The following RANBP2 variants were observed in gnomAD, a reference collection of about 807,000 sequenced individuals.
The protein encoded by RANBP2 is E3 SUMO-protein ligase RanBP2.
Under a neutral mutation model 303.6 loss-of-function variants are expected in RANBP2, and 57 were observed. The observed-to-expected ratio is 0.19, with a 90% confidence interval of 0.15 to 0.23. The LOEUF (loss-of-function observed/expected upper bound fraction) is 0.23, where lower values mean the gene tolerates loss of function less well. Among genes scored for constraint, RANBP2 ranks in the 10% least tolerant of loss-of-function variants. The pLI is 1.00. For missense variants in RANBP2, 3,138 were observed against 3,780.8 expected (o/e 0.83, Z 4.46); for synonymous variants, 1,167 against 1,301.5 (o/e 0.90, Z 2.23).
chr2:108,793,614 T>G, the RANBP2 span, among the ~76,000 whole-genome samples: 1 of 151,884 alleles, frequency 6.6e-6, no homozygotes, highest in East Asian at 2.0e-4. Context: ...GTTTTTTTTT[T>G]GAGATGGAGT....
the RANBP2 span, among the ~76,000 whole-genome samples, chr2:109,003,329 G>T: frequency 6.6e-6 from 1 of 151,884 alleles, no homozygotes; most frequent in African/African-American, 2.4e-5. Flanking sequence ...ACAGCACTTG[G>T]CACATAGTAG....
At chr2:109,699,475 A>C in the RANBP2 span, among the ~76,000 whole-genome samples, 1 of 152,232 alleles carries the variant, frequency 6.6e-6, no homozygotes, top group African/African-American at 2.4e-5. Context: ...CAGTCAGTTA[A>C]TGCATATTTG....
chr2:109,546,340 T>A, the RANBP2 span: 1 of 604,414 alleles, frequency 1.7e-6, no homozygotes, highest in Non-Finnish European at 2.7e-6. Context: ...CAACACAGAA[T>A]AACCTACACA....
chr2:109,081,559 T>A, the RANBP2 span, among the ~76,000 whole-genome samples: 1 of 152,096 alleles, frequency 6.6e-6, no homozygotes. Context: ...ATGAGACAGA[T>A]CACAAGGGCC....
the RANBP2 span, among the ~76,000 whole-genome samples, chr2:109,562,995 C>G: frequency 1.3e-5 from 2 of 152,030 alleles, no homozygotes; most frequent in Admixed American, 6.6e-5. Context: ...ACTGTAAACT[C>G]TGCCTCCCAG....
At chr2:109,124,644 T>G in the RANBP2 span, 1 of 152,196 alleles carries the variant, frequency 6.6e-6, no homozygotes, top group Non-Finnish European at 1.5e-5. Context: ...AGAAAATACA[T>G]AACATAAAAG....
chr2:109,631,261 A>G, the RANBP2 span, among the ~76,000 whole-genome samples: 1 of 152,092 alleles, frequency 6.6e-6, no homozygotes, highest in Non-Finnish European at 1.5e-5. Flanking sequence ...CAGAGCCAGG[A>G]CTTGGACCTA....
chr2:109,683,997 A>G, the RANBP2 span, among the ~76,000 whole-genome samples: 43 of 152,066 alleles, frequency 2.8e-4, no homozygotes, highest in Admixed American at 2.4e-3. Context: ...GCTGGAGTGC[A>G]CTGGCACGAT....
the RANBP2 span, among the ~76,000 whole-genome samples, chr2:109,657,162 A>T: frequency 4.6e-5 from 7 of 152,046 alleles, no homozygotes; most frequent in African/African-American, 1.7e-4. Flanking sequence ...TCTGTGGGGG[A>T]CAGGCCAACA....
At chr2:109,315,532 G>T in the RANBP2 span, among the ~76,000 whole-genome samples, 2 of 152,232 alleles carry the variant, frequency 1.3e-5, no homozygotes, top group African/African-American at 4.8e-5. Context: ...ACGACCATCC[G>T]TTTTTGGTGT....
intron 24 of RANBP2, 87 bp downstream of exon 24, chr2:108,776,023 C>T: frequency 8.2e-7 from 1 of 1,224,332 alleles, no homozygotes; most frequent in Non-Finnish European, 1.2e-6. Flanking sequence ...ATCCTGAAAA[C>T]TCCCTTTAAA....
chr2:108,891,695 T>TGTAGGTGGGTTTTTGGGCCTTTGGGG, the RANBP2 span, among the ~76,000 whole-genome samples: 46 of 152,176 alleles, frequency 3.0e-4, no homozygotes, highest in Middle Eastern at 3.4e-3. Context: ...GGATTGGGTG[T>TGTAGGTGGGTTTTTGGGCCTTTGGGG]GTAGGTGGGT....
the RANBP2 span, among the ~76,000 whole-genome samples, chr2:108,961,853 G>A: frequency 6.6e-6 from 1 of 152,164 alleles, no homozygotes. Flanking sequence ...TGGCCCCTGT[G>A]CTGGAAATGA....
chr2:109,266,079 G>A, the RANBP2 span, among the ~76,000 whole-genome samples: 1 of 151,016 alleles, frequency 6.6e-6, no homozygotes, highest in Non-Finnish European at 1.5e-5. Flanking sequence ...GTTGTGTATG[G>A]TATGTGTGTT....
the RANBP2 span, among the ~76,000 whole-genome samples, chr2:109,224,014 A>G: frequency 1.3e-5 from 2 of 152,162 alleles, no homozygotes; most frequent in African/African-American, 4.8e-5. Flanking sequence ...AAACAAATTC[A>G]ATCAATAAAA....
At chr2:109,577,615 AAAAG>A in the RANBP2 span, among the ~76,000 whole-genome samples, 143 of 151,452 alleles carry the variant, frequency 9.4e-4, no homozygotes, top group African/African-American at 3.4e-3. Flanking sequence ...AAAAAAAAGA[AAAAG>A]AAAGAGAGAA....
the RANBP2 span, among the ~76,000 whole-genome samples, chr2:109,374,375 G>C: frequency 6.6e-6 from 1 of 152,242 alleles, no homozygotes. Flanking sequence ...AGACCAGCCT[G>C]AACAGGTGTT....
At chr2:109,325,963 C>T in the RANBP2 span, among the ~76,000 whole-genome samples, 10 of 152,286 alleles carry the variant, frequency 6.6e-5, 1 homozygote, top group South Asian at 1.9e-3. Flanking sequence ...CACTGTGAAC[C>T]GTAACGTATA....
chr2:109,202,688 C>A, the RANBP2 span, among the ~76,000 whole-genome samples: 1 of 152,202 alleles, frequency 6.6e-6, no homozygotes, highest in Non-Finnish European at 1.5e-5. Flanking sequence ...TGAGCACCTT[C>A]TCTCCCTGAG....
Sources: allele counts gnomAD v4.1 joint callset (sites outside exome capture counted in the v4.1 genomes callset), GRCh38; gene constraint gnomAD v4.1.1; transcripts MANE v1.5; gene names NCBI Gene and HGNC (gene_info 2026-07-23, HGNC 2026-07-21).